The following OCA2 variants were observed in gnomAD, a reference collection of about 807,000 sequenced individuals.
The protein encoded by OCA2 is P protein.
Under a neutral mutation model 100.2 loss-of-function variants are expected in OCA2, and 77 were observed. The ratio of observed to expected loss-of-function variants is 0.77; its 90% confidence interval spans 0.64 to 0.93. The LOEUF (loss-of-function observed/expected upper bound fraction) is 0.93, where lower values mean the gene tolerates loss of function less well. Ranked by LOEUF, OCA2 falls within the 40% of genes least tolerant of loss-of-function variation. OCA2 has a pLI of 0.00. For synonymous variants in OCA2, 432 were observed against 439.2 expected (o/e 0.98, Z 0.21); for missense variants, 1,062 against 1,089.1 (o/e 0.98, Z 0.35).
chr15:27,789,963 A>T (rs75725276), intron 23 of OCA2, among the ~76,000 whole-genome samples: 2,048 of 152,310 alleles, frequency 0.013, 21 homozygotes, highest in Non-Finnish European at 0.019. Flanking sequence ...ATCAGAGCTT[A>T]AAACTTTGTC....
intron 19 of OCA2, among the ~76,000 whole-genome samples, chr15:27,878,677 T>A (rs566017503): frequency 2.3e-4 from 35 of 152,266 alleles, no homozygotes; most frequent in African/African-American, 7.5e-4. Context: ...TTATGATGTG[T>A]CTAGGCATGT....
intron 9 of OCA2, among the ~76,000 whole-genome samples, chr15:27,995,720 C>T (rs2041703342): frequency 6.6e-6 from 1 of 151,776 alleles, no homozygotes; most frequent in South Asian, 2.1e-4. Context: ...TAAATAATAT[C>T]AAGTATATTT....
At chr15:27,992,428 C>T (rs1399211329) in intron 9 of OCA2, among the ~76,000 whole-genome samples, 1 of 152,124 alleles carries the variant, frequency 6.6e-6, no homozygotes, top group Non-Finnish European at 1.5e-5. Context: ...AGGATACTTC[C>T]TTATCCAATG....
At chr15:27,847,162 C>G (rs921859827) in intron 22 of OCA2, among the ~76,000 whole-genome samples, 1 of 152,232 alleles carries the variant, frequency 6.6e-6, no homozygotes, top group Non-Finnish European at 1.5e-5. Context: ...GACATCAACT[C>G]GTTAAGTCGC....
intron 4 of OCA2, among the ~76,000 whole-genome samples, chr15:28,026,262 G>A (rs1383503626): frequency 6.6e-6 from 1 of 152,198 alleles, no homozygotes; most frequent in African/African-American, 2.4e-5. Flanking sequence ...AGTACTGAAT[G>A]CAAAAGTCTC....
At chr15:27,722,466 G>A in the OCA2 span, among the ~76,000 whole-genome samples, 1 of 152,208 alleles carries the variant, frequency 6.6e-6, no homozygotes, top group East Asian at 1.9e-4. Flanking sequence ...GGGCAATCTG[G>A]TTCAGTGTAG....
chr15:27,913,911 GCAA>G (rs377021004), intron 19 of OCA2, among the ~76,000 whole-genome samples: 1 of 45,336 alleles, frequency 2.2e-5, no homozygotes, highest in East Asian at 2.9e-3. Flanking sequence ...AAGCAAGCAA[GCAA>G]GCAAGCAAGC....
the OCA2 span, among the ~76,000 whole-genome samples, chr15:27,739,065 C>T: frequency 6.6e-6 from 1 of 152,162 alleles, no homozygotes; most frequent in African/African-American, 2.4e-5. Context: ...GTGAGGTCGC[C>T]AGCGTCTTCT....
intron 2 of OCA2, among the ~76,000 whole-genome samples, chr15:28,080,999 G>A (rs1009114208): frequency 6.6e-6 from 1 of 152,114 alleles, no homozygotes; most frequent in Non-Finnish European, 1.5e-5. Context: ...CCAGGAACAG[G>A]AAACCAAATA....
chr15:28,034,215 C>T (rs551178177), intron 2 of OCA2, among the ~76,000 whole-genome samples: 4 of 152,186 alleles, frequency 2.6e-5, no homozygotes, highest in Admixed American at 6.5e-5. Flanking sequence ...TCACTTGAGG[C>T]CAGGAGGTCA....
chr15:27,733,689 G>GT, the OCA2 span, among the ~76,000 whole-genome samples: 1 of 152,102 alleles, frequency 6.6e-6, no homozygotes, highest in Non-Finnish European at 1.5e-5. Flanking sequence ...GTGATATGCA[G>GT]TAGGTGTTCA....
chr15:27,907,917 A>ATT (rs1463314933), intron 19 of OCA2, among the ~76,000 whole-genome samples: 1 of 152,200 alleles, frequency 6.6e-6, no homozygotes, highest in Non-Finnish European at 1.5e-5. Flanking sequence ...TCACAGGGGA[A>ATT]TTGTATCAAG....
chr15:27,862,975 A>C (rs1221469155), intron 21 of OCA2, among the ~76,000 whole-genome samples: 1 of 152,234 alleles, frequency 6.6e-6, no homozygotes. Context: ...GACAGCTGGA[A>C]GGCACATGGT....
At chr15:27,871,346 G>T in intron 20 of OCA2, 88 bp from the exon 21 acceptor site, 2 of 948,438 alleles carry the variant, frequency 2.1e-6, no homozygotes, top group Non-Finnish European at 3.4e-6. Context: ...GGGGCCCGAG[G>T]GTGTTAGTCC....
intron 23 of OCA2, among the ~76,000 whole-genome samples, chr15:27,834,321 C>G (rs1567005504): frequency 6.6e-6 from 1 of 152,198 alleles, no homozygotes. Context: ...TGCATCTGCA[C>G]TCCATGGGGA....
the OCA2 span, among the ~76,000 whole-genome samples, chr15:27,741,071 C>T: frequency 6.6e-6 from 1 of 152,212 alleles, no homozygotes; most frequent in African/African-American, 2.4e-5. Context: ...TCCAGCACAT[C>T]CTTGTGTACA....
chr15:27,724,174 T>C, the OCA2 span, among the ~76,000 whole-genome samples: 1 of 152,194 alleles, frequency 6.6e-6, no homozygotes, highest in Non-Finnish European at 1.5e-5. Flanking sequence ...CTGCCAGGGC[T>C]GCTGTAACAA....
intron 9 of OCA2, among the ~76,000 whole-genome samples, chr15:27,993,741 G>C (rs1420895724): frequency 6.6e-6 from 1 of 152,120 alleles, no homozygotes; most frequent in East Asian, 1.9e-4. Context: ...GGCCCACAGT[G>C]AGTGCTTAGG....
chr15:27,775,066 G>GTGTGTGTA (rs933786536), intron 23 of OCA2, among the ~76,000 whole-genome samples: 1 of 41,386 alleles, frequency 2.4e-5, no homozygotes, highest in African/African-American at 9.2e-5. Context: ...TAGAACTCGT[G>GTGTGTGTA]TGTGTGTGTG....
Sources: allele counts gnomAD v4.1 joint callset (sites outside exome capture counted in the v4.1 genomes callset), GRCh38; gene constraint gnomAD v4.1.1; transcripts MANE v1.5; gene names NCBI Gene and HGNC (gene_info 2026-07-23, HGNC 2026-07-21).